The following HDAC1 variants were observed in gnomAD, a reference collection of about 807,000 sequenced individuals.
HDAC1 encodes the protein protein deacetylase HDAC1.
HDAC1 carries 18 observed loss-of-function variants against 65.5 expected under a neutral mutation model. The observed-to-expected ratio is 0.27, with a 90% CI of 0.19 to 0.41. HDAC1 has a LOEUF of 0.41. Among genes scored for constraint, HDAC1 ranks in the 10% least tolerant of loss-of-function variants. The pLI, the probability that HDAC1 is intolerant of heterozygous loss-of-function variation, is 1.00. For missense variants in HDAC1, 373 were observed against 625.2 expected (o/e 0.60, Z 4.30); for synonymous variants, 211 against 227.9 (o/e 0.93, Z 0.67).
At chr1:32,295,965 G>C (rs1041137829) in intron 1 of HDAC1, among the ~76,000 whole-genome samples, 8 of 152,004 alleles carry the variant, frequency 5.3e-5, no homozygotes, top group Non-Finnish European at 8.8e-5. Context: ...AGAATTCCAG[G>C]GTGGAATTCT....
chr1:32,307,226 CA>C, intron 2 of HDAC1, among the ~76,000 whole-genome samples: 2 of 152,190 alleles, frequency 1.3e-5, no homozygotes, highest in Non-Finnish European at 2.9e-5. Context: ...GCGTGGGCAA[CA>C]AGAGTGAAAC....
chr1:32,298,610 T>C (rs191131009), intron 1 of HDAC1, among the ~76,000 whole-genome samples: 5 of 152,354 alleles, frequency 3.3e-5, no homozygotes, highest in African/African-American at 1.2e-4. Context: ...CTTTGTAATA[T>C]CAGGCAAGTC....
At chr1:32,324,771 C>A (rs889232425) in intron 4 of HDAC1, among the ~76,000 whole-genome samples, 1 of 152,028 alleles carries the variant, frequency 6.6e-6, no homozygotes, top group Non-Finnish European at 1.5e-5. Flanking sequence ...GAGTTCAAGA[C>A]CAGCCCAGGC....
At chr1:32,303,346 A>ACT (rs1382541923) in intron 2 of HDAC1, among the ~76,000 whole-genome samples, 1 of 152,142 alleles carries the variant, frequency 6.6e-6, no homozygotes, top group Non-Finnish European at 1.5e-5. Flanking sequence ...AGTCCCGGCT[A>ACT]CTTAGGAGCC....
At chr1:32,318,555 C>CAAA (rs56896109) in intron 3 of HDAC1, among the ~76,000 whole-genome samples, 11 of 135,470 alleles carry the variant, frequency 8.1e-5, no homozygotes, top group African/African-American at 2.9e-4. Context: ...AGAGCGAGAC[C>CAAA]AAAAAAAAAA....
At chr1:32,292,294 C>G (rs1279653618) in intron 1 of HDAC1, 76 bp downstream of exon 1, 3 of 1,539,924 alleles carry the variant, frequency 1.9e-6, no homozygotes, top group Non-Finnish European at 2.6e-6. Flanking sequence ...GCTGGAGCGC[C>G]GATGGGAGGC....
At chr1:32,315,085 G>T (rs1641042727) in intron 2 of HDAC1, among the ~76,000 whole-genome samples, 1 of 152,068 alleles carries the variant, frequency 6.6e-6, no homozygotes, top group Non-Finnish European at 1.5e-5. Flanking sequence ...AGAGGCAGAG[G>T]GTCATGTTTG....
At chr1:32,309,694 A>C (rs1177283126) in intron 2 of HDAC1, among the ~76,000 whole-genome samples, 4 of 148,396 alleles carry the variant, frequency 2.7e-5, no homozygotes, top group Admixed American at 2.0e-4. Flanking sequence ...AAAAAAAAAA[A>C]AAAAAAAACA....
chr1:32,311,887 C>T (rs1640996836), intron 2 of HDAC1, among the ~76,000 whole-genome samples: 1 of 152,108 alleles, frequency 6.6e-6, no homozygotes, highest in Non-Finnish European at 1.5e-5. Flanking sequence ...TTTGTGCAGT[C>T]ATCTGTGTAG....
At chr1:32,293,426 A>G (rs1458223164) in intron 1 of HDAC1, among the ~76,000 whole-genome samples, 1 of 152,108 alleles carries the variant, frequency 6.6e-6, no homozygotes, top group East Asian at 1.9e-4. Flanking sequence ...GAGTGATTCA[A>G]GTTTTATGCA....
intron 2 of HDAC1, among the ~76,000 whole-genome samples, chr1:32,310,641 G>T (rs1247330760): frequency 2.0e-5 from 3 of 152,144 alleles, no homozygotes; most frequent in Non-Finnish European, 2.9e-5. Context: ...CCTGAGGTCA[G>T]CAGTTTGAGA....
At position 32,327,519 on chromosome 1, in the gene HDAC1, C is replaced by A; in HGVS notation, c.495-17C>A. On this transcript the variant is annotated splice_polypyrimidine_tract_variant and intron_variant, in intron 5 of 13. Transcript: ENST00000373548. The surrounding 1 kb of genome is among the most constrained non-coding windows in gnomAD (Gnocchi z 6.0). ...CCCCAAAGAGCCCCCAGACCCCTGA[C>A]CCCCTTCTGATCCTAGGTATCACCA... 4 of 1,606,878 alleles carry A rather than the reference C, an allele frequency of 2.5e-6. No individual in the cohort carries two copies. The highest frequency in any genetic ancestry group is 3.4e-6 in the Non-Finnish European group (4 of 1,174,656).
At chr1:32,298,289 T>C (rs1326336278) in intron 1 of HDAC1, among the ~76,000 whole-genome samples, 1 of 150,456 alleles carries the variant, frequency 6.6e-6, no homozygotes, top group Non-Finnish European at 1.5e-5. Flanking sequence ...GGTTTCTCCA[T>C]GTTGGTCAGG....
intron 2 of HDAC1, among the ~76,000 whole-genome samples, chr1:32,310,152 T>A (rs1399382600): frequency 6.6e-6 from 1 of 152,198 alleles, no homozygotes. Context: ...GCTAGAGCTA[T>A]GTAAATAAAG....
chr1:32,329,224 A>T lies in HDAC1; in HGVS notation c.729+64A>T. 3 of 924,646 alleles carry T rather than the reference A, an allele frequency of 3.2e-6. No individual in the cohort carries two copies. The highest frequency in any genetic ancestry group is 1.3e-5 in the South Asian group (1 of 77,356). The allele number at this position is 924,646 out of a possible 1,614,324, so 57.3% of individuals were successfully genotyped here. On this transcript the variant is annotated intron_variant, in intron 7 of 13. Transcript: ENST00000373548. This position sits in a 1 kb window ranked among gnomAD's most constrained non-coding sequence, Gnocchi z 4.1. ...GATTGGTTGGCGGTGGAGGGGAGCA[A>T]AGCACCCCCACCATACCTCAGGAAT...
intron 3 of HDAC1, among the ~76,000 whole-genome samples, chr1:32,321,088 G>C (rs959834200): frequency 2.7e-5 from 4 of 149,058 alleles, no homozygotes; most frequent in African/African-American, 9.9e-5. Flanking sequence ...AAAATTAGCC[G>C]GGTGTGGTGG....
At chr1:32,311,637 A>C (rs1485344839) in intron 2 of HDAC1, among the ~76,000 whole-genome samples, 1 of 152,202 alleles carries the variant, frequency 6.6e-6, no homozygotes, top group Non-Finnish European at 1.5e-5. Flanking sequence ...CAGGAAGGCA[A>C]AAAAGGACAG....
Position 32,298,191 on chromosome 1 carries a change from G to T in HDAC1, c.50-4430G>T, listed in dbSNP as rs557429034. On this transcript the variant is annotated intron_variant, in intron 1 of 13. Coordinates refer to ENST00000373548, the MANE Select transcript of HDAC1 (RefSeq NM_004964.3). ...CAACCTCCGCCTCCCAGGTTTAAGC[G>T]ATTCTCCTGCCTCAGCCTTCCTGAG... 1.9e-4 allele frequency among the ~76,000 whole-genome samples: 28 copies of T among 149,574 alleles called. No individual in the cohort carries two copies. In the South Asian group the frequency reaches 6.0e-3, roughly 32 times the overall value.
In HDAC1 at chr1:32,292,142, C is replaced by T. The variant is rs1297052250; in HGVS notation, c.-28C>T. 6.5e-7 allele frequency: 1 copy of T among 1,547,172 alleles called. No homozygotes were observed. Among genetic ancestry groups the T allele is most frequent in the Non-Finnish European group, 8.7e-7 (1 of 1,145,782 alleles). On this transcript the variant is annotated 5_prime_UTR_variant, in exon 1 of 14. Transcript: ENST00000373548. The stretch of plus-strand genomic sequence containing the variant: ...GCGGGCGGGAGGGCGGACGGACCGA[C>T]TGACGGTAGGGACGGGAGGCGAGCA...
Sources: allele counts gnomAD v4.1 joint callset (sites outside exome capture counted in the v4.1 genomes callset), GRCh38; gene constraint gnomAD v4.1.1; non-coding constraint Gnocchi (gnomAD v3.1); transcripts MANE v1.5; gene names NCBI Gene and HGNC (gene_info 2026-07-23, HGNC 2026-07-21).